POTEG: variants seen among roughly 807,000 people sequenced by gnomAD.
The protein encoded by POTEG is POTE ankyrin domain family member G.
In POTEG, 2 loss-of-function variants were observed where a neutral mutation model predicts 49.6. The observed-to-expected ratio is 0.04, with a 90% confidence interval of 0.02 to 0.13. POTEG has a LOEUF of 0.13. Among genes scored for constraint, POTEG ranks in the 10% least tolerant of loss-of-function variants. POTEG has a pLI of 1.00. For synonymous variants in POTEG, 7 were observed against 186.6 expected (o/e 0.04, Z 7.84); for missense variants, 26 against 545.2 (o/e 0.05, Z 9.48).
rs1457727973 is a variant in POTEG at position 19,432,443 on chromosome 14, T to C, written c.521+1326A>G. 1.8e-4 allele frequency among the ~76,000 whole-genome samples: 15 copies of C among 82,460 alleles called. 1 individual carries two copies. Among genetic ancestry groups the C allele is most frequent in the African/African-American group, 6.2e-4 (13 of 20,866 alleles). The allele number at this position is 82,460 out of a possible 152,430, so 54.1% of individuals were successfully genotyped here. On this transcript the variant is annotated intron_variant, in intron 1 of 10. Transcript: ENST00000547848. ...ATATATGTATATACGTATATATATATATACATATATATATACATATATACA... is the reference window on the plus strand; with the variant it reads ...ATATATGTATATACGTATATATATACATACATATATATATACATATATACA...
intron 1 of POTEG, among the ~76,000 whole-genome samples, chr14:19,432,443 T>TAC (rs1264095881): frequency 1.2e-5 from 1 of 82,456 alleles, no homozygotes; most frequent in African/African-American, 4.8e-5. Context: ...TATATATATA[T>TAC]ATACATATAT....
Position 19,421,457 on chromosome 14 carries a change from T to TA in POTEG, c.1126+166dup, listed in dbSNP as rs1883762169. 6 of 848,722 alleles carry TA rather than the reference T, an allele frequency of 7.1e-6. No individual in the cohort carries two copies. In the East Asian group the frequency reaches 1.7e-4, roughly 24 times the overall value. 52.6% of individuals were successfully genotyped at this position (848,722 alleles called of 1,614,324 possible). A position where few individuals can be genotyped will look rare whatever the true frequency, so the allele number is the denominator to read the frequency against. On this transcript the variant is annotated intron_variant, in intron 6 of 10. Coordinates refer to ENST00000547848, the MANE Select transcript of POTEG (RefSeq NM_001005356.3). ...AATTATTTCATTATATATTACAATG[T>TA]AATAATAATATAAAATAGCACAATA...
chr14:19,429,056 A>T, intron 1 of POTEG, 67 bp from the exon 2 acceptor site: 2 of 496,954 alleles, frequency 4.0e-6, no homozygotes, highest in African/African-American at 5.1e-5. Context: ...AATGACACAC[A>T]TAATCACAAA....
At chr14:19,419,198 C>A (rs1883664215) in intron 6 of POTEG, among the ~76,000 whole-genome samples, 1 of 27,896 alleles carries the variant, frequency 3.6e-5, no homozygotes, top group Non-Finnish European at 5.5e-5. Flanking sequence ...TAGTAAAGAA[C>A]CTTCCATCAA....
At chr14:19,419,094 C>T (rs1883661678) in intron 6 of POTEG, among the ~76,000 whole-genome samples, 1 of 75,624 alleles carries the variant, frequency 1.3e-5, no homozygotes, top group Admixed American at 1.5e-4. Context: ...CAGGTGAAAA[C>T]CTTGTAATAC....
chr14:19,415,140 A>C (rs372535436), intron 7 of POTEG, among the ~76,000 whole-genome samples: 1,366 of 135,404 alleles, frequency 0.01, 67 homozygotes, highest in Middle Eastern at 0.016. Context: ...CAAATTCTTA[A>C]ATTTTAATTG....
At chr14:19,415,849 T>C (rs1480682406) in intron 7 of POTEG, among the ~76,000 whole-genome samples, 1 of 140,984 alleles carries the variant, frequency 7.1e-6, no homozygotes. Context: ...TTTTTTTTTT[T>C]TTTTTTTTTT....
At chr14:19,414,966 T>C (rs1179794342) in intron 7 of POTEG, among the ~76,000 whole-genome samples, 3 of 140,232 alleles carry the variant, frequency 2.1e-5, no homozygotes, top group Admixed American at 7.1e-5. Context: ...AGATCATTTG[T>C]AGTGTTGCAA....
chr14:19,418,757 A>G (rs1197465439), intron 6 of POTEG, among the ~76,000 whole-genome samples: 1 of 22,822 alleles, frequency 4.4e-5, no homozygotes, highest in Non-Finnish European at 6.9e-5. Flanking sequence ...TAGGTTAAAT[A>G]CTAGTGTACA....
intron 7 of POTEG, among the ~76,000 whole-genome samples, chr14:19,415,087 T>A (rs1883499444): frequency 6.9e-6 from 1 of 145,612 alleles, no homozygotes; most frequent in Non-Finnish European, 1.5e-5. Context: ...AGGCACACTT[T>A]AAATTATTAG....
chr14:19,432,364 T>TTG (rs1361907872), intron 1 of POTEG, among the ~76,000 whole-genome samples: 2,129 of 41,568 alleles, frequency 0.051, 38 homozygotes, highest in Middle Eastern at 0.076. Context: ...AAAAGAAATT[T>TTG]TGTATATATA....
In POTEG at chr14:19,416,280, T is replaced by C. The variant is rs1883568278; in HGVS notation, c.1197+8A>G. On this transcript the variant is annotated splice_region_variant and intron_variant, in intron 7 of 10. Coordinates refer to ENST00000547848, the MANE Select transcript of POTEG (RefSeq NM_001005356.3). The stretch of plus-strand genomic sequence containing the variant: ...AAACCAAAAGTTTAAATTTAAGAGT[T>C]TCCATGCCTCTGGCTGGCTATTTTC... 1 of 1,571,962 alleles carries C rather than the reference T, an allele frequency of 6.4e-7. No individual in the cohort carries two copies. Among genetic ancestry groups the C allele is most frequent in the Non-Finnish European group, 8.6e-7 (1 of 1,168,442 alleles).
At chr14:19,415,680 G>A (rs1454721703) in intron 7 of POTEG, among the ~76,000 whole-genome samples, 1 of 151,522 alleles carries the variant, frequency 6.6e-6, no homozygotes, top group African/African-American at 2.4e-5. Context: ...AATCAAGAAG[G>A]CAGATAAGAA....
At chr14:19,414,356 T>A (rs578150675) in intron 8 of POTEG, among the ~76,000 whole-genome samples, 1 of 146,122 alleles carries the variant, frequency 6.8e-6, no homozygotes, top group African/African-American at 2.5e-5. Flanking sequence ...CATTCGGGAC[T>A]ATTCCATAAT....
At chr14:19,430,859 T>TAC (rs1310511612) in intron 1 of POTEG, among the ~76,000 whole-genome samples, 8 of 146,990 alleles carry the variant, frequency 5.4e-5, no homozygotes, top group Non-Finnish European at 1.2e-4. Context: ...CATGTTAATC[T>TAC]ATATATAATG....
rs576695650 is a variant in POTEG at position 19,426,559 on chromosome 14, T to C, written c.811-847A>G. Reference sequence around the variant, plus strand: ...TCCTGAGAGGGCCATCCTCTACTTATTGAAAGACTGCTCACAGCAAACTAC... The same window carrying C: ...TCCTGAGAGGGCCATCCTCTACTTACTGAAAGACTGCTCACAGCAAACTAC... On this transcript the variant is annotated intron_variant, in intron 3 of 10. Transcript: ENST00000547848. Among the ~76,000 whole-genome samples the C allele has an allele frequency of 5.9e-5, 9 of 152,294 alleles. No individual in the cohort carries two copies. In the South Asian group the frequency reaches 1.7e-3, roughly 28 times the overall value.
chr14:19,420,898 CA>C (rs1162627934), intron 6 of POTEG: 8 of 117,390 alleles, frequency 6.8e-5, no homozygotes, highest in African/African-American at 2.2e-4. Context: ...CATCTTGTTC[CA>C]AAAAAGTCAA....
chr14:19,415,818 A>C (rs367588647), intron 7 of POTEG, among the ~76,000 whole-genome samples: 473 of 150,058 alleles, frequency 3.2e-3, no homozygotes, highest in Admixed American at 0.023. Flanking sequence ...AAATTTTAAG[A>C]ATCTATTAAA....
chr14:19,432,382 A>ATATATATATATACACATG (rs1884173225), intron 1 of POTEG, among the ~76,000 whole-genome samples: 1 of 82,294 alleles, frequency 1.2e-5, no homozygotes, highest in Non-Finnish European at 2.7e-5. Context: ...ATATATATAT[A>ATATATATATATACACATG]TATATATATA....
Sources: gnomAD v4.1 joint callset for allele counts (sites outside exome capture counted in the v4.1 genomes callset) on GRCh38, gnomAD v4.1.1 for gene constraint, MANE v1.5 for transcripts, NCBI Gene and HGNC (gene_info 2026-07-23, HGNC 2026-07-21) for gene names.